Variants in CCBE1 observed in about 807,000 individuals in gnomAD.
CCBE1 encodes the protein collagen and calcium-binding EGF domain-containing protein 1.
In CCBE1, 37 loss-of-function variants were observed where a neutral mutation model predicts 50.0. The ratio of observed to expected loss-of-function variants is 0.74; its 90% CI spans 0.57 to 0.97. CCBE1 has a LOEUF of 0.97. Among genes scored for constraint, CCBE1 ranks in the 50% least tolerant of loss-of-function variants. CCBE1 has a pLI of 0.00. For missense variants in CCBE1, 538 were observed against 523.8 expected, an observed-to-expected ratio of 1.03 and a Z score of -0.26; for synonymous variants, 234 against 203.7, an observed-to-expected ratio of 1.15 and a Z score of -1.27.
At chr18:59,671,195 A>G (rs972234107) in intron 2 of CCBE1, among the ~76,000 whole-genome samples, 2 of 152,028 alleles carry the variant, frequency 1.3e-5, no homozygotes, top group Middle Eastern at 3.4e-3. Flanking sequence ...TGAGTACCCT[A>G]CAATAAGAAG....
At chr18:59,663,980 T>A (rs2054319986) in intron 2 of CCBE1, among the ~76,000 whole-genome samples, 1 of 152,180 alleles carries the variant, frequency 6.6e-6, no homozygotes, top group Non-Finnish European at 1.5e-5. Flanking sequence ...CTGCACAGCA[T>A]GTTCAGGCTG....
chr18:59,464,206 C>T (rs1364360849), intron 5 of CCBE1: 2 of 152,132 alleles, frequency 1.3e-5, no homozygotes, highest in African/African-American at 2.4e-5. Flanking sequence ...GCTCAGAGGC[C>T]GGCGGATCAC....
intron 2 of CCBE1, among the ~76,000 whole-genome samples, chr18:59,513,792 A>G (rs1461808694): frequency 6.6e-6 from 1 of 152,230 alleles, no homozygotes; most frequent in Non-Finnish European, 1.5e-5. Flanking sequence ...AGACATGGAA[A>G]TGGGGGCTCA....
intron 3 of CCBE1, among the ~76,000 whole-genome samples, chr18:59,477,916 C>T (rs1912389436): frequency 6.6e-6 from 1 of 152,114 alleles, no homozygotes; most frequent in Admixed American, 6.6e-5. Flanking sequence ...CTTGGCTAGG[C>T]CAAAGTGTCC....
At position 59,590,985 on chromosome 18, in the gene CCBE1, T is replaced by C. The variant is rs899242885; in HGVS notation, c.212+105644A>G. 1.2e-4 allele frequency among the ~76,000 whole-genome samples: 4 copies of C among 32,246 alleles called. 1 individual carries two copies. Among genetic ancestry groups the C allele is most frequent in the South Asian group, 1.0e-3 (1 of 1,004 alleles). The allele number at this position is 32,246 out of a possible 152,430, so 21.2% of individuals were successfully genotyped here. A position where few individuals can be genotyped will look rare whatever the true frequency, so the allele number is the denominator to read the frequency against. ...GTAGGCCGGGCGCGGTGGCTCACGC[T>C]TGTAATCCCAGCACTTTGGGAGGCC... On this transcript the variant is annotated intron_variant, in intron 2 of 10. Transcript: ENST00000439986.
At chr18:59,502,230 C>T (rs1913655273) in intron 2 of CCBE1, among the ~76,000 whole-genome samples, 1 of 152,214 alleles carries the variant, frequency 6.6e-6, no homozygotes, top group Non-Finnish European at 1.5e-5. Flanking sequence ...GGGCAGTGCT[C>T]AGCACCGAGC....
intron 2 of CCBE1, among the ~76,000 whole-genome samples, chr18:59,683,582 C>G (rs1251662155): frequency 2.0e-5 from 3 of 152,120 alleles, no homozygotes; most frequent in African/African-American, 7.2e-5. Context: ...CCTGTAATCC[C>G]AGCTACTCAG....
chr18:59,469,923 GTGCTGTTT>G (rs1282560069), intron 3 of CCBE1, among the ~76,000 whole-genome samples: 1 of 152,170 alleles, frequency 6.6e-6, no homozygotes, highest in African/African-American at 2.4e-5. Flanking sequence ...GGGGTTGGGG[GTGCTGTTT>G]TGTCTTGTTC....
chr18:59,506,495 C>T (rs1913879728), intron 2 of CCBE1, among the ~76,000 whole-genome samples: 1 of 152,218 alleles, frequency 6.6e-6, no homozygotes, highest in Non-Finnish European at 1.5e-5. Context: ...GGTAACCAAC[C>T]CCAGCAGAAG....
At chr18:59,686,859 T>G (rs770498938) in intron 2 of CCBE1, among the ~76,000 whole-genome samples, 14 of 152,214 alleles carry the variant, frequency 9.2e-5, no homozygotes, top group Non-Finnish European at 1.8e-4. Context: ...CCTTCAAACT[T>G]TCTCAGAGAT....
At chr18:59,645,331 C>T (rs914916619) in intron 2 of CCBE1, among the ~76,000 whole-genome samples, 3 of 152,268 alleles carry the variant, frequency 2.0e-5, no homozygotes, top group African/African-American at 4.8e-5. Flanking sequence ...AAAACCAGCA[C>T]TTTACATCTG....
intron 2 of CCBE1, among the ~76,000 whole-genome samples, chr18:59,613,009 G>A (rs866397506): frequency 2.0e-5 from 3 of 151,980 alleles, no homozygotes; most frequent in Admixed American, 1.3e-4. Context: ...GCAAGGTATG[G>A]ACTTTAAATC....
At chr18:59,508,896 A>G (rs1340211053) in intron 2 of CCBE1, among the ~76,000 whole-genome samples, 1 of 151,934 alleles carries the variant, frequency 6.6e-6, no homozygotes, top group Non-Finnish European at 1.5e-5. Context: ...TAATATAAAC[A>G]ATGAACGGCA....
intron 2 of CCBE1, among the ~76,000 whole-genome samples, chr18:59,588,628 T>C (rs1034497361): frequency 2.0e-5 from 3 of 152,208 alleles, no homozygotes; most frequent in Admixed American, 2.0e-4. Flanking sequence ...TTCTTAATTC[T>C]AGAGGGCCCC....
rs183715484 is a variant in CCBE1 at position 59,658,655 on chromosome 18, G to T, written c.212+37974C>A. ...CCAGCACTTTGGGAGGCCGAGGCAG[G>T]CAGATCACAAGGTCAAGAGATCAAG... On this transcript the variant is annotated intron_variant, in intron 2 of 10. Transcript: ENST00000439986. Among the ~76,000 whole-genome samples, 445 of 150,652 alleles carry T rather than the reference G, an allele frequency of 3.0e-3. 3 individuals are homozygous for T. The highest frequency in any genetic ancestry group is 0.01 in the African/African-American group (432 of 41,202).
In CCBE1 at chr18:59,626,206, G is replaced by A. The variant is rs151219224; in HGVS notation, c.212+70423C>T. The stretch of plus-strand genomic sequence containing the variant: ...TTAAGCAAAATGTTCCTGAAAAGAA[G>A]GAATTGGTTTTGTAAATAAAGTTCC... On this transcript the variant is annotated intron_variant, in intron 2 of 10. Transcript: ENST00000439986. Among the ~76,000 whole-genome samples the A allele has an allele frequency of 9.9e-5, 15 of 152,228 alleles. No individual in the cohort carries two copies. The East Asian group carries it at 2.9e-3, about 29-fold the overall frequency.
intron 2 of CCBE1, among the ~76,000 whole-genome samples, chr18:59,653,244 C>G (rs2054148497): frequency 1.3e-5 from 2 of 152,186 alleles, no homozygotes; most frequent in East Asian, 1.9e-4. Flanking sequence ...TATTCCCCTA[C>G]CCAGGGGTCT....
intron 2 of CCBE1, among the ~76,000 whole-genome samples, chr18:59,606,714 A>C (rs1279795669): frequency 1.3e-5 from 2 of 152,196 alleles, no homozygotes; most frequent in South Asian, 2.1e-4. Context: ...AGGAAAAAAA[A>C]CAACCAATCA....
intron 2 of CCBE1, among the ~76,000 whole-genome samples, chr18:59,581,902 C>A (rs184993150): frequency 6.6e-6 from 1 of 152,240 alleles, no homozygotes; most frequent in African/African-American, 2.4e-5. Context: ...CCAACCACAG[C>A]AGCAGTTCCA....
Sources: gnomAD v4.1 joint callset for allele counts (sites outside exome capture counted in the v4.1 genomes callset) on GRCh38, gnomAD v4.1.1 for gene constraint, MANE v1.5 for transcripts, NCBI Gene and HGNC (gene_info 2026-07-23, HGNC 2026-07-21) for gene names.